Variants in NOP14 observed in about 807,000 individuals in gnomAD.
The protein encoded by NOP14 is nucleolar protein 14.
NOP14 carries 57 observed loss-of-function variants against 101.6 expected under a neutral mutation model. That is an observed-to-expected ratio of 0.56 (90% CI 0.45 to 0.70). NOP14 has a LOEUF of 0.70. Ranked by LOEUF, NOP14 falls within the 30% of genes least tolerant of loss-of-function variation. The probability of loss-of-function intolerance (pLI) is 0.00; values close to 1 mark genes in which losing one functional copy is unlikely to be tolerated. For missense variants in NOP14, 1,134 were observed against 1,075.5 expected (o/e 1.05, Z -0.76); for synonymous variants, 428 against 424.0 (o/e 1.01, Z -0.12).
rs768455293 is a variant in NOP14, at chr4:2,941,674, C to A, written c.2107G>T (p.Gly703Trp). 1.9e-6 allele frequency: 3 copies of A among 1,613,260 alleles called. No homozygotes were observed. Among genetic ancestry groups the A allele is most frequent in the Middle Eastern group, 1.7e-4 (1 of 6,034 alleles). The change falls in exon 15 of 18, where the codon GGG becomes TGG. Residue 703 changes from glycine (G) to tryptophan (W), a missense_variant. Physicochemically the swap from Gly to Trp is radical, Grantham distance 184. Coordinates refer to ENST00000416614, the MANE Select transcript of NOP14 (RefSeq NM_001291978.2). ...ATGGCGTGGAAGGATGGCAGGGACC[C>A]GTACATGAGCACGCAGCGCTTCAGC... is the stretch of plus-strand genomic sequence containing the variant. ...ALLKRCVLMY[G>W]SLPSFHAIMG... is the part of the protein sequence containing the mutation.
intron 3 of NOP14, among the ~76,000 whole-genome samples, chr4:2,954,903 C>T (rs1337787171): frequency 2.0e-5 from 3 of 152,062 alleles, no homozygotes; most frequent in African/African-American, 4.8e-5. Flanking sequence ...GTGGGAGCGT[C>T]GCCCAGGATC....
rs918213820 is a variant in NOP14, at chr4:2,938,084, A to G, written c.*747T>C. The G allele has an allele frequency of 9.3e-6, 7 of 750,470 alleles. No individual in the cohort carries two copies. Among genetic ancestry groups the G allele is most frequent in the Non-Finnish European group, 1.3e-5 (7 of 529,358 alleles). 46.5% of individuals were successfully genotyped at this position (750,470 alleles called of 1,614,324 possible). ...ACGCAGTGAACCAGTCGCAGCTGAT[A>G]ACACACAGACCATTCCCGATCCCAG... On this transcript the variant is annotated 3_prime_UTR_variant, in exon 18 of 18. Coordinates refer to ENST00000416614, the MANE Select transcript of NOP14 (RefSeq NM_001291978.2).
rs372128210 is a variant in NOP14 at position 2,943,931 on chromosome 4, G to C, written c.1891+142C>G. 120 of 672,514 alleles carry C rather than the reference G, an allele frequency of 1.8e-4. 1 individual carries two copies. The African/African-American group carries it at 1.8e-3, about 10-fold the overall frequency. 41.7% of individuals were successfully genotyped at this position (672,514 alleles called of 1,614,324 possible). A position where few individuals can be genotyped will look rare whatever the true frequency, so the allele number is the denominator to read the frequency against. On this transcript the variant is annotated intron_variant, in intron 13 of 17. Transcript: ENST00000416614. ...TGTGGCGCGTGCACACGCTCACACA[G>C]AGGGACAGACAGTGCGGCGGGTGGC... is the stretch of plus-strand genomic sequence containing the variant.
intron 4 of NOP14, 108 bp downstream of exon 4, chr4:2,954,316 T>C (rs1715205584): frequency 2.3e-6 from 3 of 1,282,202 alleles, no homozygotes; most frequent in South Asian, 1.5e-5. Flanking sequence ...TGAACTCATA[T>C]AAAATATTAA....
chr4:2,957,573 C>T, intron 2 of NOP14, 33 bp downstream of exon 2: 2 of 1,611,074 alleles, frequency 1.2e-6, no homozygotes, highest in South Asian at 1.1e-5. Context: ...GTGAAATGTA[C>T]AGCAAAAACC....
At position 2,938,079 on chromosome 4, in the gene NOP14, C is replaced by G; in HGVS notation, c.*752G>C. 2.9e-6 allele frequency: 2 copies of G among 692,810 alleles called. No homozygotes were observed. The highest frequency in any genetic ancestry group is 4.2e-6 in the Non-Finnish European group (2 of 481,688). 42.9% of individuals were successfully genotyped at this position (692,810 alleles called of 1,614,324 possible). On this transcript the variant is annotated 3_prime_UTR_variant, in exon 18 of 18. Coordinates refer to ENST00000416614, the MANE Select transcript of NOP14 (RefSeq NM_001291978.2). ...TCCAGACGCAGTGAACCAGTCGCAG[C>G]TGATAACACACAGACCATTCCCGAT...
At position 2,944,162 on chromosome 4, in the gene NOP14, T is replaced by A. The variant is rs1292351135; in HGVS notation, c.1802A>T (p.Tyr601Phe). The change falls in exon 13 of 18, where the codon TAT becomes TTT. Residue 601 changes from tyrosine to phenylalanine, a missense_variant. By Grantham distance (22) the Tyr-to-Phe change is conservative (BLOSUM62 3). Transcript: ENST00000416614. ...TATAAACCTCTGGGACAAAGCCACA[T>A]ACTCCAGGAACAGGCAGCACACGAA... is the stretch of plus-strand genomic sequence containing the variant. ...GLFVCCLFLE[Y>F]VALSQRFIPE... The A allele has an allele frequency of 6.2e-7, 1 of 1,614,032 alleles. No individual in the cohort carries two copies. The highest frequency in any genetic ancestry group is 2.2e-5 in the East Asian group (1 of 44,882).
At chr4:2,947,429 A>T in intron 10 of NOP14, 97 bp downstream of exon 10, 1 of 870,086 alleles carries the variant, frequency 1.1e-6, no homozygotes, top group Non-Finnish European at 1.9e-6. Flanking sequence ...CATTCCACCT[A>T]CCTTAGTAAC....
intron 3 of NOP14, among the ~76,000 whole-genome samples, chr4:2,955,444 C>T (rs1203661694): frequency 7.6e-6 from 1 of 131,590 alleles, no homozygotes; most frequent in Non-Finnish European, 1.6e-5. Context: ...CCTCTAGTCA[C>T]CTGCACCACA....
Position 2,957,135 on chromosome 4 carries a change from G to A in NOP14, c.331-324C>T, listed in dbSNP as rs193102405. On this transcript the variant is annotated intron_variant, in intron 2 of 17. Transcript: ENST00000416614. The stretch of plus-strand genomic sequence containing the variant: ...TCCTGCCTCAGCCTCCTGAGTAGCT[G>A]GGATTATAGGCATGCGCCACCACGC... 5.0e-3 allele frequency among the ~76,000 whole-genome samples: 757 copies of A among 152,270 alleles called. 4 individuals are homozygous for A. The highest frequency in any genetic ancestry group is 8.5e-3 in the Non-Finnish European group (579 of 68,028).
chr4:2,940,221 G>A (rs1341983510), intron 15 of NOP14: 1 of 154,532 alleles, frequency 6.5e-6, no homozygotes, highest in African/African-American at 2.4e-5. Context: ...TTGGCTTCCA[G>A]AAGAGTTGGC....
At position 2,939,178 on chromosome 4, in the gene NOP14, TC is replaced by T. The variant is rs1379857308; in HGVS notation, c.2474+9del. 6.2e-7 allele frequency: 1 copy of T among 1,613,686 alleles called. No individual in the cohort carries two copies. The highest frequency in any genetic ancestry group is 2.2e-5 in the East Asian group (1 of 44,860). ...ACCACAATCGTGTCGCACACACACG[TC>T]CCCCTCACCGTTCCATGATTTCTGA... On this transcript the variant is annotated intron_variant, in intron 17 of 17. Transcript: ENST00000416614.
At chr4:2,945,928 C>T (rs1714586590) in intron 11 of NOP14, among the ~76,000 whole-genome samples, 2 of 151,478 alleles carry the variant, frequency 1.3e-5, no homozygotes, top group Admixed American at 6.6e-5. Context: ...CACTCCAGAT[C>T]ACCCTCACTG....
Position 2,946,399 on chromosome 4 carries a change from GA to G in NOP14, c.1635+12del. Reference sequence around the variant, plus strand: ...CTGTGGCAGGGGCAGTGCCTAGACTGAACTCTGCTTACCACATCCAACCCTG... The same window carrying G: ...CTGTGGCAGGGGCAGTGCCTAGACTGACTCTGCTTACCACATCCAACCCTG... On this transcript the variant is annotated intron_variant, in intron 11 of 17. Transcript: ENST00000416614. 3.1e-6 allele frequency: 5 copies of G among 1,614,042 alleles called. No homozygotes were observed. The highest frequency in any genetic ancestry group is 4.2e-6 in the Non-Finnish European group (5 of 1,179,922).
intron 15 of NOP14, 91 bp from the exon 16 acceptor site, chr4:2,939,736 G>A (rs930081575): frequency 1.2e-5 from 12 of 987,316 alleles, no homozygotes; most frequent in African/African-American, 3.2e-5. Flanking sequence ...AAGGCAGCGT[G>A]AGGACAGTGC....
chr4:2,944,355 T>G (rs867955988), intron 12 of NOP14, 129 bp from the exon 13 acceptor site: 2 of 640,870 alleles, frequency 3.1e-6, no homozygotes, highest in Middle Eastern at 4.3e-4. Flanking sequence ...CCCCCGCACC[T>G]TATAGCAGTG....
At chr4:2,949,522 A>G (rs541915967) in intron 8 of NOP14, among the ~76,000 whole-genome samples, 4 of 152,248 alleles carry the variant, frequency 2.6e-5, no homozygotes, top group Admixed American at 2.6e-4. Context: ...TTTTCTCCAC[A>G]TACTAGACAA....
Position 2,963,242 on chromosome 4 carries a change from C to G in NOP14, c.78G>C (p.Lys26Asn). ...TCACCTCGAACGGATTGGAGTTGGC[C>G]TTCGCCGGGCCCCCTCGCGCTCCCG... The part of the protein sequence containing the change: ...APAGARGGPA[K>N]ANSNPFEVKV... The change falls in exon 1 of 18, where the codon AAG (lysine) becomes AAC (asparagine). Residue 26 changes from lysine to asparagine, a missense_variant. Coordinates refer to ENST00000416614, the MANE Select transcript of NOP14 (RefSeq NM_001291978.2). The G allele has an allele frequency of 6.3e-7, 1 of 1,590,798 alleles. No individual in the cohort carries two copies. Among genetic ancestry groups the G allele is most frequent in the South Asian group, 1.1e-5 (1 of 89,268 alleles).
At chr4:2,954,770 C>T (rs1715229831) in intron 3 of NOP14, among the ~76,000 whole-genome samples, 1 of 152,194 alleles carries the variant, frequency 6.6e-6, no homozygotes, top group South Asian at 2.1e-4. Context: ...TGAGAAAACC[C>T]AGACCCATTA....
Sources: allele counts gnomAD v4.1 joint callset (sites outside exome capture counted in the v4.1 genomes callset), GRCh38; gene constraint gnomAD v4.1.1; transcripts MANE v1.5; gene names NCBI Gene and HGNC (gene_info 2026-07-23, HGNC 2026-07-21).